Variants in SUCO observed in about 807,000 individuals in gnomAD.
The protein encoded by SUCO is SUN domain containing ossification factor.
A neutral mutation model predicts 148.1 loss-of-function variants in SUCO; 57 were observed. The ratio of observed to expected loss-of-function variants is 0.38; its 90% CI spans 0.31 to 0.48. The LOEUF is 0.48. Ranked by LOEUF, SUCO falls within the 20% of genes least tolerant of loss-of-function variation. SUCO has a pLI of 0.96. For synonymous variants in SUCO, 470 were observed against 502.7 expected (o/e 0.93, Z 0.87); for missense variants, 1,331 against 1,468.2 (o/e 0.91, Z 1.53).
chr1:172,557,487 T>C, intron 5 of SUCO, 70 bp downstream of exon 5: 1 of 1,577,784 alleles, frequency 6.3e-7, no homozygotes, highest in Non-Finnish European at 8.6e-7. Context: ...TGAATGGACT[T>C]TGGTGTATGT....
intron 22 of SUCO, chr1:172,608,531 G>T: frequency 1.8e-6 from 1 of 552,124 alleles, no homozygotes; most frequent in Non-Finnish European, 3.2e-6. Context: ...AAGACGACCA[G>T]TCAAGCATAG....
Position 172,551,593 on chromosome 1 carries a change from A to C in SUCO, c.144A>C (p.Ala48=). Residue 48 remains alanine (A), a synonymous_variant, in exon 2 of 24, where the codon GCA becomes GCC. Transcript: ENST00000263688. The part of the protein sequence containing the change: ...SSYYSQDDNC[A]LENEDVQFQK... ...ATTACTCTCAAGATGACAACTGCGC[A>C]CTAGAAAATGAAGATGTACAATTCC... 6.2e-7 allele frequency: 1 copy of C among 1,608,720 alleles called. No homozygotes were observed.
Position 172,610,098 on chromosome 1 carries a change from T to G in SUCO, c.3604T>G (p.Leu1202Val). 1.2e-6 allele frequency: 2 copies of G among 1,613,814 alleles called. No individual in the cohort carries two copies. Among genetic ancestry groups the G allele is most frequent in the Non-Finnish European group, 8.5e-7 (1 of 1,179,854 alleles). ...AAAGACAAAAACTGAGAAGAGGGCT[T>G]TAAAACGAAGACGATCTAAAGTCCA... ...SQKTKTEKRALKRRRSKVQDQ... is the reference protein window; with the variant it reads ...SQKTKTEKRAVKRRRSKVQDQ... Residue 1202 changes from leucine (L) to valine (V), a missense_variant, in exon 24 of 24, where the codon TTA becomes GTA. This residue lies in a region of SUCO where 334 missense variants were observed against 352.3 expected (regional missense o/e 0.95). Coordinates refer to ENST00000263688, the MANE Select transcript of SUCO (RefSeq NM_014283.5).
intron 19 of SUCO, among the ~76,000 whole-genome samples, chr1:172,595,058 G>C (rs959731395): frequency 6.6e-6 from 1 of 152,066 alleles, no homozygotes; most frequent in Non-Finnish European, 1.5e-5. Context: ...TGTCTCTTTT[G>C]ATCTTTGTTG....
At chr1:172,577,037 C>T (rs1558194827) in intron 11 of SUCO, 2 of 768,076 alleles carry the variant, frequency 2.6e-6, no homozygotes, top group Non-Finnish European at 3.2e-6. Context: ...ATACTTTCCC[C>T]GAAATAAGTT....
At chr1:172,562,601 C>T (rs1472032863) in intron 6 of SUCO, among the ~76,000 whole-genome samples, 1 of 152,342 alleles carries the variant, frequency 6.6e-6, no homozygotes, top group African/African-American at 2.4e-5. Context: ...TTCCAAAGTG[C>T]TGGGATTAAC....
intron 15 of SUCO, among the ~76,000 whole-genome samples, chr1:172,583,964 A>G: frequency 6.6e-6 from 1 of 152,218 alleles, no homozygotes; most frequent in East Asian, 1.9e-4. Context: ...TCAAAAGAGA[A>G]GTAGGGTTAG....
At chr1:172,537,975 A>C (rs1302682170) in intron 1 of SUCO, among the ~76,000 whole-genome samples, 1 of 152,166 alleles carries the variant, frequency 6.6e-6, no homozygotes, top group Non-Finnish European at 1.5e-5. Flanking sequence ...GAGAACACTT[A>C]CCCAGTTATC....
At chr1:172,609,070 G>T (rs1558219059) in intron 23 of SUCO, among the ~76,000 whole-genome samples, 2 of 152,016 alleles carry the variant, frequency 1.3e-5, no homozygotes, top group Non-Finnish European at 2.9e-5. Context: ...GACCTGCAAA[G>T]CCTAAAATAT....
intron 21 of SUCO, 98 bp from the exon 22 acceptor site, chr1:172,602,598 T>C (rs1657599594): frequency 6.5e-7 from 1 of 1,529,724 alleles, no homozygotes; most frequent in South Asian, 1.3e-5. Context: ...CCGTGTGGTA[T>C]GTACAGTTCT....
At chr1:172,606,233 G>T (rs1289097741) in intron 22 of SUCO, among the ~76,000 whole-genome samples, 1 of 150,908 alleles carries the variant, frequency 6.6e-6, no homozygotes, top group Non-Finnish European at 1.5e-5. Flanking sequence ...TTGGATTTTG[G>T]TATGTAAGGT....
chr1:172,569,321 T>A, intron 7 of SUCO, 179 bp downstream of exon 7: 2 of 859,560 alleles, frequency 2.3e-6, no homozygotes, highest in Non-Finnish European at 2.8e-6. Flanking sequence ...TATAATTACA[T>A]ACAGTTTTAG....
chr1:172,602,367 A>G (rs1657584963), intron 21 of SUCO, 149 bp downstream of exon 21: 2 of 1,421,416 alleles, frequency 1.4e-6, no homozygotes, highest in Non-Finnish European at 9.2e-7. Flanking sequence ...ATCATTCGAT[A>G]GTAAGATGGT....
In SUCO at chr1:172,611,771, G is replaced by A. The variant is rs961724196; in HGVS notation, c.*1512G>A. 3.3e-5 allele frequency: 5 copies of A among 152,554 alleles called. No individual in the cohort carries two copies. The highest frequency in any genetic ancestry group is 9.7e-5 in the African/African-American group (4 of 41,418). The allele number at this position is 152,554 out of a possible 1,614,324, so 9.5% of individuals were successfully genotyped here. A position where few individuals can be genotyped will look rare whatever the true frequency, so the allele number is the denominator to read the frequency against. ...AAGAGAATTTTCAATATGTAACTAC[G>A]GAGCTGTAGTGCCATTAGAAACTGT... On this transcript the variant is annotated 3_prime_UTR_variant, in exon 24 of 24. Coordinates refer to ENST00000263688, the MANE Select transcript of SUCO (RefSeq NM_014283.5).
At position 172,551,836 on chromosome 1, in the gene SUCO, G is replaced by A. The variant is rs1653325218; in HGVS notation, c.177+210G>A. On this transcript the variant is annotated intron_variant, in intron 2 of 23. Transcript: ENST00000263688. ...TCTTGTTGCTTGTATTTGGAATTTT[G>A]TAACATCCTTAGTCCTGTAGTATAG... 1.9e-5 allele frequency: 9 copies of A among 468,792 alleles called. No homozygotes were observed. The South Asian group carries it at 1.9e-4, about 10-fold the overall frequency. The allele number at this position is 468,792 out of a possible 1,614,324, so 29.0% of individuals were successfully genotyped here. A position where few individuals can be genotyped will look rare whatever the true frequency, so the allele number is the denominator to read the frequency against.
At position 172,584,116 on chromosome 1, in the gene SUCO, T is replaced by A. The variant is rs188686937; in HGVS notation, c.1499-902T>A. 2.0e-3 allele frequency among the ~76,000 whole-genome samples: 297 copies of A among 152,184 alleles called. 4 individuals carry two copies. The highest frequency in any genetic ancestry group is 3.5e-4 in the Non-Finnish European group (24 of 67,992). The stretch of plus-strand genomic sequence containing the variant: ...AAAGATTGCTGTTTTGGTCAATGAG[T>A]TTTTTAAAAGTCATCAAAGAGATTT... On this transcript the variant is annotated intron_variant, in intron 15 of 23. Coordinates refer to ENST00000263688, the MANE Select transcript of SUCO (RefSeq NM_014283.5).
intron 13 of SUCO, 144 bp downstream of exon 13, chr1:172,577,963 C>T (rs1655578552): frequency 1.6e-6 from 1 of 609,320 alleles, no homozygotes; most frequent in African/African-American, 1.9e-5. Context: ...CTTTTGAATG[C>T]ATTTTGGAAA....
At chr1:172,575,916 A>G (rs1655403300) in intron 11 of SUCO, among the ~76,000 whole-genome samples, 1 of 151,862 alleles carries the variant, frequency 6.6e-6, no homozygotes, top group Admixed American at 6.6e-5. Context: ...TCTTCATAGT[A>G]TATTTCTTTC....
chr1:172,536,035 C>T (rs1651987270), intron 1 of SUCO, among the ~76,000 whole-genome samples: 1 of 152,154 alleles, frequency 6.6e-6, no homozygotes, highest in Admixed American at 6.5e-5. Context: ...CAGCACAGAG[C>T]AATGATAGCT....
Sources: allele counts gnomAD v4.1 joint callset (sites outside exome capture counted in the v4.1 genomes callset), GRCh38; gene constraint gnomAD v4.1.1; regional missense constraint gnomAD v4.1.1; transcripts MANE v1.5; gene names NCBI Gene and HGNC (gene_info 2026-07-23, HGNC 2026-07-21).